The following NIN variants were observed in gnomAD, a reference collection of about 807,000 sequenced individuals.
The protein encoded by NIN is ninein.
A neutral mutation model predicts 257.6 loss-of-function variants in NIN; 137 were observed. The ratio of observed to expected loss-of-function variants is 0.53; its 90% CI spans 0.46 to 0.61. The LOEUF (loss-of-function observed/expected upper bound fraction) is 0.61, where lower values mean the gene tolerates loss of function less well. NIN is among the 20% of genes least tolerant of loss of function. NIN has a pLI of 0.00. For missense variants in NIN, 2,439 were observed against 2,501.2 expected, an observed-to-expected ratio of 0.98 and a Z score of 0.53; for synonymous variants, 918 against 919.8, an observed-to-expected ratio of 1.00 and a Z score of 0.04.
At chr14:50,797,361 T>C (rs1266685252) in intron 4 of NIN, among the ~76,000 whole-genome samples, 1 of 152,228 alleles carries the variant, frequency 6.6e-6, no homozygotes, top group African/African-American at 2.4e-5. Flanking sequence ...TCTATGTCCC[T>C]TCCTGACTCA....
chr14:50,753,172 G>A (rs1024464484), intron 20 of NIN, among the ~76,000 whole-genome samples: 2 of 152,224 alleles, frequency 1.3e-5, no homozygotes, highest in African/African-American at 4.8e-5. Flanking sequence ...CGCCGAGACA[G>A]GCGGATCACC....
At chr14:50,747,882 T>C in intron 22 of NIN, 110 bp downstream of exon 22, 2 of 733,246 alleles carry the variant, frequency 2.7e-6, no homozygotes, top group Non-Finnish European at 4.7e-6. Context: ...ACCAAGCTAG[T>C]TGACAGAACT....
chr14:50,797,780 G>C (rs1464983213), intron 4 of NIN, among the ~76,000 whole-genome samples: 1 of 152,128 alleles, frequency 6.6e-6, no homozygotes, highest in East Asian at 1.9e-4. Flanking sequence ...TATGGAGAGA[G>C]AATGAGACAG....
At chr14:50,801,371 G>A (rs766253529) in intron 4 of NIN, among the ~76,000 whole-genome samples, 100 of 152,192 alleles carry the variant, frequency 6.6e-4, no homozygotes, top group Non-Finnish European at 1.2e-3. Context: ...GATTATAGGC[G>A]TGAGCCACCG....
intron 16 of NIN, 23 bp from the exon 17 acceptor site, chr14:50,760,382 C>T: frequency 6.3e-7 from 1 of 1,588,986 alleles, no homozygotes; most frequent in African/African-American, 1.3e-5. Flanking sequence ...AGTGACACCA[C>T]CACAAGATTA....
At chr14:50,781,320 G>A (rs1412697278) in intron 5 of NIN, among the ~76,000 whole-genome samples, 1 of 152,026 alleles carries the variant, frequency 6.6e-6, no homozygotes, top group Non-Finnish European at 1.5e-5. Flanking sequence ...TGTTATCACT[G>A]GCCCCAAACC....
intron 28 of NIN, among the ~76,000 whole-genome samples, chr14:50,733,497 C>T (rs74774339): frequency 6.6e-6 from 1 of 152,162 alleles, no homozygotes; most frequent in Non-Finnish European, 1.5e-5. Context: ...CTTAGCTGTT[C>T]GGCTCCAGTG....
chr14:50,765,501 G>C (rs2141710624), intron 14 of NIN, among the ~76,000 whole-genome samples: 1 of 152,224 alleles, frequency 6.6e-6, no homozygotes, highest in South Asian at 2.1e-4. Flanking sequence ...TTTTATCTAA[G>C]TAGCTGGAAC....
chr14:50,825,443 T>G (rs2082879703), intron 2 of NIN, among the ~76,000 whole-genome samples: 1 of 152,268 alleles, frequency 6.6e-6, no homozygotes, highest in African/African-American at 2.4e-5. Context: ...AACTGGGAAT[T>G]ACTTCTGAAC....
At chr14:50,824,046 TCTCA>T (rs950746290) in intron 2 of NIN, among the ~76,000 whole-genome samples, 5 of 152,194 alleles carry the variant, frequency 3.3e-5, no homozygotes, top group African/African-American at 1.2e-4. Context: ...TAGCTCTTAG[TCTCA>T]CTCTGAGTTT....
intron 5 of NIN, among the ~76,000 whole-genome samples, chr14:50,780,584 G>T (rs1421002815): frequency 6.6e-6 from 1 of 152,146 alleles, no homozygotes; most frequent in African/African-American, 2.4e-5. Flanking sequence ...ACTAGTGGTA[G>T]TTCTCACCTC....
At chr14:50,793,884 T>C (rs2043713238) in intron 4 of NIN, among the ~76,000 whole-genome samples, 1 of 152,366 alleles carries the variant, frequency 6.6e-6, no homozygotes, top group African/African-American at 2.4e-5. Context: ...AAATGTTTCA[T>C]TAAAGTACAA....
chr14:50,797,958 G>C (rs2043916775), intron 4 of NIN, among the ~76,000 whole-genome samples: 1 of 151,338 alleles, frequency 6.6e-6, no homozygotes, highest in Admixed American at 6.6e-5. Flanking sequence ...GGAGAGATGA[G>C]CTGGGGTGGA....
intron 22 of NIN, among the ~76,000 whole-genome samples, chr14:50,747,628 G>A (rs1013643578): frequency 6.6e-6 from 1 of 152,004 alleles, no homozygotes; most frequent in Non-Finnish European, 1.5e-5. Flanking sequence ...CAGCTACTCG[G>A]GGGGCTGAGG....
In NIN at chr14:50,721,977, G is replaced by A. The variant is rs1246031282; in HGVS notation, c.*1486C>T. The A allele has an allele frequency of 4.4e-6, 1 of 227,324 alleles. No individual in the cohort carries two copies. The highest frequency in any genetic ancestry group is 5.7e-5 in the Admixed American group (1 of 17,568). 14.1% of individuals were successfully genotyped at this position (227,324 alleles called of 1,614,324 possible). ...TGTTCCTGCCCATAAAGCAGTGCTT[G>A]ATTTTGCTGTTCACCTTTTGTAAAT... On this transcript the variant is annotated 3_prime_UTR_variant, in exon 31 of 31. Coordinates refer to ENST00000530997, the MANE Select transcript of NIN (RefSeq NM_020921.4).
chr14:50,737,189 G>A (rs1198892121), intron 27 of NIN, among the ~76,000 whole-genome samples: 1 of 152,174 alleles, frequency 6.6e-6, no homozygotes, highest in African/African-American at 2.4e-5. Flanking sequence ...TTCGGTCTCA[G>A]TGTCTGTTTC....
At chr14:50,766,979 GTAGAT>G (rs2042514049) in intron 12 of NIN, 89 bp from the exon 13 acceptor site, 1 of 825,526 alleles carries the variant, frequency 1.2e-6, no homozygotes, top group Admixed American at 2.2e-5. Context: ...AATCAGTACC[GTAGAT>G]TAAAGATGTT....
intron 29 of NIN, chr14:50,727,226 G>A (rs1045726119): frequency 2.1e-6 from 2 of 933,746 alleles, no homozygotes; most frequent in Non-Finnish European, 2.6e-6. Context: ...AAAAACAAAG[G>A]CAGTCATATA....
chr14:50,732,981 T>C (rs555080789), intron 28 of NIN, among the ~76,000 whole-genome samples: 3 of 152,248 alleles, frequency 2.0e-5, no homozygotes, highest in South Asian at 4.2e-4. Context: ...GGTGGGAGGA[T>C]TGCTTGAGCC....
Sources: allele counts gnomAD v4.1 joint callset (sites outside exome capture counted in the v4.1 genomes callset), GRCh38; gene constraint gnomAD v4.1.1; transcripts MANE v1.5; gene names NCBI Gene and HGNC (gene_info 2026-07-23, HGNC 2026-07-21).